Variants in BRSK2 observed in about 807,000 individuals in gnomAD.
BRSK2 encodes the protein BR serine/threonine kinase 2, also known as serine/threonine-protein kinase BRSK2.
In BRSK2, 19 loss-of-function variants were observed where a neutral mutation model predicts 83.3. The ratio of observed to expected loss-of-function variants is 0.23; its 90% CI spans 0.16 to 0.33. BRSK2 has a LOEUF of 0.33. BRSK2 is among the 10% of genes least tolerant of loss of function. The probability of loss-of-function intolerance (pLI) is 1.00; values close to 1 mark genes in which losing one functional copy is unlikely to be tolerated. For missense variants in BRSK2, 798 were observed against 1,042.3 expected (o/e 0.77, Z 3.23); for synonymous variants, 519 against 435.4 (o/e 1.19, Z -2.39).
chr11:1,401,476 G>A (rs567304358), intron 1 of BRSK2, among the ~76,000 whole-genome samples: 1 of 152,294 alleles, frequency 6.6e-6, no homozygotes, highest in African/African-American at 2.4e-5. Flanking sequence ...GGAGCCCCTG[G>A]GACCAGGGCC....
chr11:1,426,214 C>T (rs1849195784), intron 1 of BRSK2, among the ~76,000 whole-genome samples: 1 of 150,748 alleles, frequency 6.6e-6, no homozygotes, highest in South Asian at 2.1e-4. Flanking sequence ...ACACAGCGGG[C>T]ACTGGGGATG....
chr11:1,436,235 C>CGGGTGGGG (rs1850282856), intron 2 of BRSK2, 101 bp downstream of exon 2: 1 of 112,650 alleles, frequency 8.9e-6, no homozygotes, highest in Non-Finnish European at 1.2e-5. Context: ...GTGCTGGATG[C>CGGGTGGGG]GGGTGGGGGG....
intron 1 of BRSK2, among the ~76,000 whole-genome samples, chr11:1,435,759 T>G: frequency 6.7e-6 from 1 of 149,732 alleles, no homozygotes; most frequent in South Asian, 2.1e-4. Context: ...AGGGAGGGGA[T>G]TTGGGTGCCT....
At chr11:1,445,028 CGCCT>C in intron 9 of BRSK2, 26 bp downstream of exon 9, 1 of 1,609,106 alleles carries the variant, frequency 6.2e-7, no homozygotes, top group Non-Finnish European at 8.5e-7. Context: ...ACCCACTAAT[CGCCT>C]GCTTTGCCTG....
intron 1 of BRSK2, among the ~76,000 whole-genome samples, chr11:1,399,181 TGGGCAGGCCCCCCA>T (rs1239834296): frequency 6.6e-6 from 1 of 151,804 alleles, no homozygotes; most frequent in Non-Finnish European, 1.5e-5. Context: ...CTGTCTGTTG[TGGGCAGGCCCCCCA>T]GGGCAGGGCC....
chr11:1,447,822 G>A, intron 12 of BRSK2: 1 of 1,597,510 alleles, frequency 6.3e-7, no homozygotes, highest in Non-Finnish European at 8.5e-7. Flanking sequence ...GTAAAAGCCT[G>A]GATATCGCTG....
intron 1 of BRSK2, among the ~76,000 whole-genome samples, chr11:1,424,067 C>T (rs982846471): frequency 3.3e-5 from 5 of 152,074 alleles, no homozygotes; most frequent in African/African-American, 9.7e-5. Flanking sequence ...TTTTCCAAGT[C>T]GGGTCACATT....
intron 18 of BRSK2, among the ~76,000 whole-genome samples, chr11:1,457,886 G>A (rs571534255): frequency 3.5e-4 from 54 of 152,154 alleles, no homozygotes; most frequent in African/African-American, 1.3e-3. Flanking sequence ...CCAGTGGGTG[G>A]AGGAGTAGCC....
rs141652976 is a variant in BRSK2 at position 1,419,891 on chromosome 11, C to T, written c.92-16149C>T. On this transcript the variant is annotated intron_variant, in intron 1 of 19. Coordinates refer to ENST00000528841, the MANE Select transcript of BRSK2 (RefSeq NM_001256627.2). ...TGGCGCCCCTGCACTCCAGCCTGGG[C>T]GACAGAGTCAGATTCCATCTCGAAA... Among the ~76,000 whole-genome samples the T allele has an allele frequency of 1.5e-4, 23 of 152,300 alleles. No individual in the cohort carries two copies. In the East Asian group the frequency reaches 2.1e-3, roughly 14 times the overall value.
chr11:1,442,381 T>A (rs1851461591), intron 4 of BRSK2, 109 bp from the exon 5 acceptor site: 2 of 763,228 alleles, frequency 2.6e-6, no homozygotes, highest in Admixed American at 4.1e-5. Flanking sequence ...GGCCCTTATG[T>A]GTGATTGGCG....
intron 1 of BRSK2, among the ~76,000 whole-genome samples, chr11:1,419,155 G>A (rs10833663): frequency 0.25 from 34,354 of 139,118 alleles, 5,541 homozygotes; most frequent in South Asian, 0.39. Flanking sequence ...TGGCGGGGGG[G>A]GCCTTTGCTC....
In BRSK2 at chr11:1,434,563, G is replaced by A. The variant is rs1327314185; in HGVS notation, c.92-1477G>A. Among the ~76,000 whole-genome samples, 4 of 131,444 alleles carry A rather than the reference G, an allele frequency of 3.0e-5. No homozygotes were observed. The Admixed American group carries it at 3.1e-4, about 10-fold the overall frequency. 86.2% of individuals were successfully genotyped at this position (131,444 alleles called of 152,430 possible). On this transcript the variant is annotated intron_variant, in intron 1 of 19. Transcript: ENST00000528841. ...GGGGTCCCCTGTGATAACCTGGGCCGGCTCTGGGTGTCTGGGGGCACCCAG... is the reference window on the plus strand; with the variant it reads ...GGGGTCCCCTGTGATAACCTGGGCCAGCTCTGGGTGTCTGGGGGCACCCAG...
chr11:1,405,391 C>T (rs949142714), intron 1 of BRSK2, among the ~76,000 whole-genome samples: 3 of 152,094 alleles, frequency 2.0e-5, no homozygotes, highest in Non-Finnish European at 4.4e-5. Context: ...CAGGTGCCAG[C>T]CTTGCCCAGC....
chr11:1,390,481 C>G lies in BRSK2; in HGVS notation c.91+106C>G, dbSNP rs1030495128. On this transcript the variant is annotated intron_variant, in intron 1 of 19. Coordinates refer to ENST00000528841, the MANE Select transcript of BRSK2 (RefSeq NM_001256627.2). The surrounding 1 kb of genome is among the most constrained non-coding windows in gnomAD (Gnocchi z 6.8). ...CCGGCCGCGAAGCCGCAGGCCCGGCCCGGGCCCCGGCCGCGAACAATGGGC... is the reference window on the plus strand; with the variant it reads ...CCGGCCGCGAAGCCGCAGGCCCGGCGCGGGCCCCGGCCGCGAACAATGGGC... 3.1e-5 allele frequency: 17 copies of G among 547,006 alleles called. No homozygotes were observed. Among genetic ancestry groups the G allele is most frequent in the African/African-American group, 4.2e-5 (2 of 47,886 alleles). The allele number at this position is 547,006 out of a possible 1,614,324, so 33.9% of individuals were successfully genotyped here. A position where few individuals can be genotyped will look rare whatever the true frequency, so the allele number is the denominator to read the frequency against.
At chr11:1,396,674 A>T (rs1846145055) in intron 1 of BRSK2, among the ~76,000 whole-genome samples, 1 of 152,208 alleles carries the variant, frequency 6.6e-6, no homozygotes, top group East Asian at 1.9e-4. Context: ...CTCACTGGGC[A>T]CAGACTAGCT....
chr11:1,412,011 C>G (rs1847569115), intron 1 of BRSK2, among the ~76,000 whole-genome samples: 1 of 140,528 alleles, frequency 7.1e-6, no homozygotes. Context: ...TGGGTGGAGT[C>G]TCAGCTGCGC....
chr11:1,450,512 C>T (rs1247531469), intron 13 of BRSK2, 75 bp from the exon 14 acceptor site: 5 of 720,072 alleles, frequency 6.9e-6, no homozygotes, highest in Admixed American at 3.2e-5. Flanking sequence ...CCTGGGCCCG[C>T]CTGCCCTGCG....
intron 1 of BRSK2, among the ~76,000 whole-genome samples, chr11:1,403,632 C>T (rs921637434): frequency 9.9e-5 from 15 of 152,184 alleles, no homozygotes; most frequent in Admixed American, 3.3e-4. Flanking sequence ...CTCCCATCAC[C>T]CCAGTTCAGT....
chr11:1,438,472 A>G lies in BRSK2; in HGVS notation c.272+81A>G, dbSNP rs1590537906. 1.5e-6 allele frequency: 2 copies of G among 1,347,854 alleles called. No individual in the cohort carries two copies. Among genetic ancestry groups the G allele is most frequent in the Non-Finnish European group, 2.1e-6 (2 of 948,864 alleles). The allele number at this position is 1,347,854 out of a possible 1,614,324, so 83.5% of individuals were successfully genotyped here. ...AGGGGTGGGTGTCTGGGGCTTGGGGAGCACAGGGGCTGGAGGCCAGGGGCG... is the reference window on the plus strand; with the variant it reads ...AGGGGTGGGTGTCTGGGGCTTGGGGGGCACAGGGGCTGGAGGCCAGGGGCG... On this transcript the variant is annotated intron_variant, in intron 3 of 19. Transcript: ENST00000528841. This position sits in a 1 kb window ranked among gnomAD's most constrained non-coding sequence, Gnocchi z 6.4.
Sources: gnomAD v4.1 joint callset for allele counts (sites outside exome capture counted in the v4.1 genomes callset) on GRCh38, gnomAD v4.1.1 for gene constraint, Gnocchi (gnomAD v3.1) non-coding constraint, MANE v1.5 for transcripts, NCBI Gene and HGNC (gene_info 2026-07-23, HGNC 2026-07-21) for gene names.